HEATR3: variants seen among roughly 807,000 people sequenced by gnomAD.
HEATR3 encodes the protein HEAT repeat containing 3.
Under a neutral mutation model 72.8 loss-of-function variants are expected in HEATR3, and 56 were observed. The observed-to-expected ratio is 0.77, with a 90% confidence interval of 0.62 to 0.96. The LOEUF (loss-of-function observed/expected upper bound fraction) is 0.96, where lower values mean the gene tolerates loss of function less well. Ranked by LOEUF, HEATR3 falls within the 40% of genes least tolerant of loss-of-function variation. The pLI, the probability that HEATR3 is intolerant of heterozygous loss-of-function variation, is 0.00. For missense variants in HEATR3, 747 were observed against 831.4 expected, an observed-to-expected ratio of 0.90 and a Z score of 1.25; for synonymous variants, 331 against 318.1, an observed-to-expected ratio of 1.04 and a Z score of -0.43.
intron 11 of HEATR3, among the ~76,000 whole-genome samples, chr16:50,087,354 GTTAAA>G (rs1405621979): frequency 1.3e-5 from 2 of 152,130 alleles, no homozygotes; most frequent in Non-Finnish European, 2.9e-5. Context: ...CGATACAAGA[GTTAAA>G]TTAAATATTC....
intron 11 of HEATR3, among the ~76,000 whole-genome samples, chr16:50,091,956 T>C (rs546725361): frequency 6.6e-6 from 1 of 152,068 alleles, no homozygotes; most frequent in Non-Finnish European, 1.5e-5. Flanking sequence ...TTCATAAATC[T>C]ATAAATTCAT....
intron 11 of HEATR3, among the ~76,000 whole-genome samples, chr16:50,093,387 T>C (rs2037162308): frequency 6.6e-6 from 1 of 152,228 alleles, no homozygotes; most frequent in Non-Finnish European, 1.5e-5. Context: ...GGCTTTTTCC[T>C]ATTCCACAAT....
At chr16:50,088,019 C>T (rs1018615800) in intron 11 of HEATR3, among the ~76,000 whole-genome samples, 5 of 151,972 alleles carry the variant, frequency 3.3e-5, no homozygotes, top group East Asian at 1.9e-4. Flanking sequence ...CCCAGCTACT[C>T]GGGAGGCTGA....
chr16:50,091,104 A>G (rs2037099266), intron 11 of HEATR3, among the ~76,000 whole-genome samples: 2 of 151,950 alleles, frequency 1.3e-5, no homozygotes, highest in South Asian at 4.2e-4. Context: ...AGATTGCACC[A>G]CTGCACTCCA....
At chr16:50,079,801 C>T (rs1199869091) in intron 7 of HEATR3, among the ~76,000 whole-genome samples, 1 of 152,154 alleles carries the variant, frequency 6.6e-6, no homozygotes, top group East Asian at 1.9e-4. Context: ...TAATTTCCAG[C>T]CTTCAGGAAC....
At chr16:50,084,713 A>G in intron 10 of HEATR3, 62 bp downstream of exon 10, 2 of 1,298,320 alleles carry the variant, frequency 1.5e-6, no homozygotes, top group South Asian at 1.2e-5. Flanking sequence ...ATGATGGGCT[A>G]TTAAATAGAA....
In HEATR3 at chr16:50,072,534, T is replaced by G. The variant is rs1009612407; in HGVS notation, c.513-71T>G. ...TTATAAAGCCTCGTTTGTTTTTTTA[T>G]GGATTGCTATGGTTGATTTCCTACT... is the stretch of plus-strand genomic sequence containing the variant. On this transcript the variant is annotated intron_variant, in intron 4 of 14. Transcript: ENST00000299192. 1.7e-5 allele frequency: 16 copies of G among 965,240 alleles called. No individual in the cohort carries two copies. In the African/African-American group the frequency reaches 2.5e-4, roughly 15 times the overall value. 59.8% of individuals were successfully genotyped at this position (965,240 alleles called of 1,614,324 possible). A position where few individuals can be genotyped will look rare whatever the true frequency, so the allele number is the denominator to read the frequency against.
chr16:50,089,709 C>T (rs745961719), intron 11 of HEATR3, among the ~76,000 whole-genome samples: 1 of 151,828 alleles, frequency 6.6e-6, no homozygotes, highest in Non-Finnish European at 1.5e-5. Context: ...TACTCTGTTG[C>T]CCAGGCTGGA....
At position 50,075,698 on chromosome 16, in the gene HEATR3, G is replaced by A. The variant is rs141284993; in HGVS notation, c.750G>A (p.Lys250=). ...PVSSMESLLL[K]TLVAGTIWNL... is the part of the protein sequence containing the mutation. ...GTTCCATGGAATCTCTTCTATTGAA[G>A]ACATTGGTAGCAGGTAAAATTTAGC... The change falls in exon 6 of 15, where the codon AAG becomes AAA. Residue 250 remains lysine (K), a synonymous_variant. Coordinates refer to ENST00000299192, the MANE Select transcript of HEATR3 (RefSeq NM_182922.4). The A allele has an allele frequency of 4.3e-4, 692 of 1,612,590 alleles. 14 individuals are homozygous for A. In the South Asian group the frequency reaches 6.9e-3, roughly 16 times the overall value.
At chr16:50,079,154 T>G (rs1328961708) in intron 7 of HEATR3, 136 bp downstream of exon 7, 1 of 777,200 alleles carries the variant, frequency 1.3e-6, no homozygotes, top group African/African-American at 1.7e-5. Flanking sequence ...AGTCATATTT[T>G]CCTGTTGATT....
rs763091720 is a variant in HEATR3 at position 50,102,419 on chromosome 16, C to T, written c.1904C>T (p.Pro635Leu). 21 of 1,613,364 alleles carry T rather than the reference C, an allele frequency of 1.3e-5. No individual in the cohort carries two copies. In the East Asian group the frequency reaches 1.3e-4, roughly 10 times the overall value. The change falls in exon 14 of 15, where the codon CCG becomes CTG. Residue 635 changes from proline (P) to leucine (L), a missense_variant. Physicochemically the swap from Pro to Leu is moderately conservative, Grantham distance 98. This residue lies in a region of HEATR3 where 586 missense variants were observed against 708.8 expected (regional missense o/e 0.83). Transcript: ENST00000299192. ...KLLSALKEFQPVFKMKIRKEG... is the reference protein window; with the variant it reads ...KLLSALKEFQLVFKMKIRKEG... ...TTATCTGCTCTGAAAGAATTCCAGCCGGTCTTTAAAATGAAGGTTTGTAGC... is the reference window on the plus strand; with the variant it reads ...TTATCTGCTCTGAAAGAATTCCAGCTGGTCTTTAAAATGAAGGTTTGTAGC...
chr16:50,079,983 G>A (rs1265964191), intron 7 of HEATR3: 1 of 152,658 alleles, frequency 6.6e-6, no homozygotes, highest in Admixed American at 6.5e-5. Context: ...GAGCCGTTTA[G>A]ACAGAACACC....
chr16:50,090,179 AC>A (rs2037078040), intron 11 of HEATR3, among the ~76,000 whole-genome samples: 1 of 152,028 alleles, frequency 6.6e-6, no homozygotes, highest in South Asian at 2.1e-4. Flanking sequence ...ACATAGTGAT[AC>A]CCTGTCTCCT....
intron 14 of HEATR3, 25 bp from the exon 15 acceptor site, chr16:50,104,914 A>G (rs957015323): frequency 1.5e-5 from 24 of 1,561,560 alleles, no homozygotes; most frequent in African/African-American, 5.5e-5. Context: ...CAAGTCATAT[A>G]TGATTTTTTG....
intron 11 of HEATR3, among the ~76,000 whole-genome samples, chr16:50,093,431 AT>A (rs1393880862): frequency 6.6e-6 from 1 of 152,114 alleles, no homozygotes; most frequent in East Asian, 1.9e-4. Flanking sequence ...ATGGCCACTT[AT>A]CCCCTCCCAC....
intron 2 of HEATR3, 22 bp from the exon 3 acceptor site, chr16:50,068,758 A>G (rs2036551099): frequency 1.9e-6 from 3 of 1,580,232 alleles, no homozygotes; most frequent in Non-Finnish European, 1.7e-6. Context: ...AAAGTAAAAC[A>G]TGTTTTAAAC....
rs747868554 is a variant in HEATR3, at chr16:50,102,369, A to C, written c.1854A>C (p.Glu618Asp). ...TTTTTGCAGATGGTAAAGAAGCCGA[A>C]AGAGCCTCGATTCAAATTAAATTAT... ...FDVFADGKEA[E>D]RASIQIKLLS... Residue 618 changes from glutamate (E) to aspartate (D), a missense_variant, in exon 14 of 15, where the codon GAA becomes GAC. Physicochemically the swap from Glu to Asp is conservative, Grantham distance 45. Around this residue, in one of 2 missense-constraint regions of HEATR3, gnomAD observed 586 missense variants for 708.8 expected, o/e 0.83. Coordinates refer to ENST00000299192, the MANE Select transcript of HEATR3 (RefSeq NM_182922.4). 32 of 1,614,170 alleles carry C rather than the reference A, an allele frequency of 2.0e-5. No individual in the cohort carries two copies. Among genetic ancestry groups the C allele is most frequent in the Non-Finnish European group, 2.5e-5 (30 of 1,180,016 alleles).
At chr16:50,086,679 C>T (rs2036995200) in intron 11 of HEATR3, among the ~76,000 whole-genome samples, 1 of 152,174 alleles carries the variant, frequency 6.6e-6, no homozygotes, top group Admixed American at 6.5e-5. Context: ...CCTGTAGTCC[C>T]AGCACTTTGG....
chr16:50,088,720 C>CTGTT, intron 11 of HEATR3, among the ~76,000 whole-genome samples: 1 of 152,336 alleles, frequency 6.6e-6, no homozygotes, highest in East Asian at 1.9e-4. Context: ...GAGAGGGCTG[C>CTGTT]TGTTGCTCAT....
Sources: allele counts gnomAD v4.1 joint callset (sites outside exome capture counted in the v4.1 genomes callset), GRCh38; gene constraint gnomAD v4.1.1; regional missense constraint gnomAD v4.1.1; transcripts MANE v1.5; gene names NCBI Gene and HGNC (gene_info 2026-07-23, HGNC 2026-07-21).